The following FOXN3 variants were observed in gnomAD, a reference collection of about 807,000 sequenced individuals.
The protein encoded by FOXN3 is forkhead box N3.
In FOXN3, 7 loss-of-function variants were observed where a neutral mutation model predicts 38.4. That is an observed-to-expected ratio of 0.18 (90% CI 0.10 to 0.34). The LOEUF is 0.34. Ranked by LOEUF, FOXN3 falls within the 10% of genes least tolerant of loss-of-function variation. The pLI, the probability that FOXN3 is intolerant of heterozygous loss-of-function variation, is 1.00. For synonymous variants in FOXN3, 230 were observed against 242.2 expected (o/e 0.95, Z 0.47); for missense variants, 456 against 613.4 (o/e 0.74, Z 2.71).
chr14:89,363,764 T>TA (rs1889975249), intron 2 of FOXN3, among the ~76,000 whole-genome samples: 2 of 152,038 alleles, frequency 1.3e-5, no homozygotes, highest in Admixed American at 1.3e-4. Flanking sequence ...ACCATGAACT[T>TA]ACAGCCTCTG....
intron 4 of FOXN3, 52 bp from the exon 5 acceptor site, chr14:89,180,858 T>C: frequency 6.8e-7 from 1 of 1,465,810 alleles, no homozygotes; most frequent in Non-Finnish European, 9.4e-7. Flanking sequence ...ACTGTGAAGA[T>C]TTCCGTTCCA....
At chr14:89,560,778 C>T (rs190776766) in intron 1 of FOXN3, among the ~76,000 whole-genome samples, 122 of 152,344 alleles carry the variant, frequency 8.0e-4, no homozygotes, top group Middle Eastern at 3.4e-3. Flanking sequence ...TACACATCCA[C>T]GTGGCTTGCA....
intron 3 of FOXN3, among the ~76,000 whole-genome samples, chr14:89,299,327 T>C (rs921036988): frequency 1.8e-4 from 27 of 152,354 alleles, no homozygotes; most frequent in African/African-American, 4.8e-4. Flanking sequence ...CTGCTCAAGC[T>C]GTCTTGCCTG....
intron 1 of FOXN3, among the ~76,000 whole-genome samples, chr14:89,609,539 C>T (rs1486368117): frequency 6.6e-6 from 1 of 152,164 alleles, no homozygotes; most frequent in Admixed American, 6.5e-5. Context: ...TTCAGGGACT[C>T]ATGATTTAGC....
rs1024015635 is a variant in FOXN3, at chr14:89,342,319, T to C, written c.680+8353A>G. On this transcript the variant is annotated intron_variant, in intron 3 of 5. Coordinates refer to ENST00000557258, the MANE Select transcript of FOXN3 (RefSeq NM_005197.4). ...CATAATATTCATGAGCTACCCCTGA[T>C]ACAAAGTGCTCAAAGATAACAGGGA... Among the ~76,000 whole-genome samples the C allele has an allele frequency of 2.0e-5, 3 of 152,300 alleles. No homozygotes were observed. In the East Asian group the frequency reaches 5.8e-4, roughly 29 times the overall value.
At chr14:89,389,381 A>G (rs936572912) in intron 2 of FOXN3, among the ~76,000 whole-genome samples, 2 of 152,188 alleles carry the variant, frequency 1.3e-5, no homozygotes, top group African/African-American at 4.8e-5. Context: ...ATTACTTCAC[A>G]GCATTTCATG....
chr14:89,349,327 C>T (rs766777886), intron 3 of FOXN3, among the ~76,000 whole-genome samples: 18 of 152,196 alleles, frequency 1.2e-4, no homozygotes, highest in South Asian at 4.1e-4. Flanking sequence ...TATATGACCT[C>T]AAGTTGTCAT....
At chr14:89,238,204 G>A (rs944336758) in intron 4 of FOXN3, among the ~76,000 whole-genome samples, 2 of 152,180 alleles carry the variant, frequency 1.3e-5, no homozygotes, top group African/African-American at 2.4e-5. Context: ...TGTGGTCTAG[G>A]TTGCTGGAAC....
intron 2 of FOXN3, among the ~76,000 whole-genome samples, chr14:89,369,596 G>A (rs1890256134): frequency 6.6e-6 from 1 of 151,622 alleles, no homozygotes. Flanking sequence ...ATTCCACATG[G>A]CTGGGGAGGC....
rs34530866 is a variant in FOXN3, at chr14:89,554,782, C to CTTT, written c.-15+64243_-15+64245dup. Among the ~76,000 whole-genome samples, 211 of 68,402 alleles carry CTTT rather than the reference C, an allele frequency of 3.1e-3. 1 individual carries two copies. The highest frequency in any genetic ancestry group is 5.8e-3 in the African/African-American group (114 of 19,618). 44.9% of individuals were successfully genotyped at this position (68,402 alleles called of 152,430 possible). A position where few individuals can be genotyped will look rare whatever the true frequency, so the allele number is the denominator to read the frequency against. On this transcript the variant is annotated intron_variant, in intron 1 of 6. Coordinates refer to the FOXN3 transcript ENST00000345097. ...ATAATCTATGTAAATACTAGCATTT[C>CTTT]TTTTTTTTTTTTTTTTTTTTTTTTG...
intron 2 of FOXN3, among the ~76,000 whole-genome samples, chr14:89,385,714 G>A (rs1596243738): frequency 6.6e-6 from 1 of 152,320 alleles, no homozygotes; most frequent in East Asian, 1.9e-4. Context: ...GGCTGAGGCA[G>A]GAGAATTGCT....
At chr14:89,236,446 C>T (rs10147156) in intron 4 of FOXN3, among the ~76,000 whole-genome samples, 1,575 of 152,200 alleles carry the variant, frequency 0.01, 23 homozygotes, top group African/African-American at 0.036. Context: ...ACCCGGGAGG[C>T]GGAGCTTGCA....
intron 3 of FOXN3, among the ~76,000 whole-genome samples, chr14:89,289,181 CAAAAA>C: frequency 9.5e-6 from 1 of 105,120 alleles, no homozygotes. Context: ...AATTCTGTCT[CAAAAA>C]AAAAAAAAAA....
intron 1 of FOXN3, among the ~76,000 whole-genome samples, chr14:89,453,285 G>A (rs1226891234): frequency 2.0e-5 from 3 of 151,922 alleles, no homozygotes; most frequent in Non-Finnish European, 2.9e-5. Context: ...GGCCAGGCTC[G>A]GTGGCTCAAG....
intron 1 of FOXN3, among the ~76,000 whole-genome samples, chr14:89,448,027 T>A (rs1217314525): frequency 6.6e-6 from 1 of 152,000 alleles, no homozygotes; most frequent in Admixed American, 6.6e-5. Flanking sequence ...TTGGTCAGGC[T>A]GGTCTCGAAC....
chr14:89,481,009 T>C (rs983943790), intron 1 of FOXN3, among the ~76,000 whole-genome samples: 10 of 152,102 alleles, frequency 6.6e-5, no homozygotes, highest in African/African-American at 1.9e-4. Context: ...ACCAGGGGAA[T>C]TGCAATACAG....
At chr14:89,231,144 A>G (rs1007413648) in intron 4 of FOXN3, among the ~76,000 whole-genome samples, 5 of 152,222 alleles carry the variant, frequency 3.3e-5, no homozygotes, top group African/African-American at 1.2e-4. Flanking sequence ...TACTGAACAT[A>G]AAAGATGATG....
chr14:89,329,220 G>A (rs933335781), intron 3 of FOXN3, among the ~76,000 whole-genome samples: 1 of 152,146 alleles, frequency 6.6e-6, no homozygotes, highest in South Asian at 2.1e-4. Context: ...TAGATAGTAG[G>A]TGTTAATTTT....
chr14:89,296,181 T>C (rs1348285844), intron 3 of FOXN3, among the ~76,000 whole-genome samples: 1 of 149,922 alleles, frequency 6.7e-6, no homozygotes, highest in African/African-American at 2.5e-5. Context: ...CTGAAAAAAC[T>C]CTGCTTAAAA....
Sources: allele counts gnomAD v4.1 joint callset (sites outside exome capture counted in the v4.1 genomes callset), GRCh38; gene constraint gnomAD v4.1.1; transcripts MANE v1.5; gene names NCBI Gene and HGNC (gene_info 2026-07-23, HGNC 2026-07-21).